EML4: variants seen among roughly 807,000 people sequenced by gnomAD.
EML4 encodes the protein echinoderm microtubule-associated protein-like 4.
Under a neutral mutation model 129.0 loss-of-function variants are expected in EML4, and 72 were observed. The ratio of observed to expected loss-of-function variants is 0.56; its 90% confidence interval spans 0.46 to 0.68. The LOEUF (loss-of-function observed/expected upper bound fraction) is 0.68. Ranked by LOEUF, EML4 falls within the 30% of genes least tolerant of loss-of-function variation. The pLI, the probability that EML4 is intolerant of heterozygous loss-of-function variation, is 0.00. For missense variants in EML4, 1,363 were observed against 1,190.6 expected (o/e 1.14, Z -2.13); for synonymous variants, 532 against 405.0 (o/e 1.31, Z -3.77).
Position 42,303,072 on chromosome 2 carries a change from T to C in EML4, c.1642-32T>C, listed in dbSNP as rs1572721439. 1.2e-6 allele frequency: 2 copies of C among 1,605,706 alleles called. 1 individual carries two copies. Among genetic ancestry groups the C allele is most frequent in the Admixed American group, 3.4e-5 (2 of 58,916 alleles). On this transcript the variant is annotated intron_variant, in intron 14 of 22. Coordinates refer to ENST00000318522, the MANE Select transcript of EML4 (RefSeq NM_019063.5). ...GAGTAGTAATTAATGCATATTAGTA[T>C]GTATATGGTGACTTTACACTTTTTT...
chr2:42,241,873 T>TG (rs1033165271), intron 1 of EML4, among the ~76,000 whole-genome samples: 12 of 131,536 alleles, frequency 9.1e-5, no homozygotes, highest in African/African-American at 3.6e-4. Context: ...TGTGTGTGTG[T>TG]CGGGGGGGGG....
chr2:42,295,827 C>T (rs1460492604), intron 13 of EML4, among the ~76,000 whole-genome samples: 2 of 152,134 alleles, frequency 1.3e-5, no homozygotes, highest in Admixed American at 1.3e-4. Context: ...TGAGCTGGTT[C>T]TGGGATATCT....
intron 1 of EML4, among the ~76,000 whole-genome samples, chr2:42,231,772 A>C (rs1197120600): frequency 1.3e-5 from 2 of 152,052 alleles, no homozygotes; most frequent in Non-Finnish European, 2.9e-5. Flanking sequence ...ATATGGTGAA[A>C]CCCTGTCTCT....
chr2:42,251,403 T>A (rs1318916236), intron 2 of EML4, among the ~76,000 whole-genome samples: 3 of 152,244 alleles, frequency 2.0e-5, no homozygotes, highest in Non-Finnish European at 4.4e-5. Context: ...AATTACTGTT[T>A]ACAGAGTGCC....
Position 42,169,602 on chromosome 2 carries a change from T to TC in EML4, c.-6dup. On this transcript the variant is annotated 5_prime_UTR_variant, in exon 1 of 23. Transcript: ENST00000318522. ...CCTCTAAGCCCGGAGCCCGGCGCTT[T>TC]CCCCGCAAGATGGACGGTTTCGCCG... 1 of 1,598,558 alleles carries TC rather than the reference T, an allele frequency of 6.3e-7. No individual in the cohort carries two copies. The highest frequency in any genetic ancestry group is 8.5e-7 in the Non-Finnish European group (1 of 1,173,804).
intron 1 of EML4, among the ~76,000 whole-genome samples, chr2:42,209,935 C>CA (rs1160128400): frequency 2.0e-5 from 3 of 148,606 alleles, no homozygotes; most frequent in East Asian, 4.0e-4. Context: ...GTCTCAAAAC[C>CA]AAAAAAACAA....
At chr2:42,296,778 C>T (rs991174985) in intron 13 of EML4, among the ~76,000 whole-genome samples, 6 of 152,084 alleles carry the variant, frequency 3.9e-5, no homozygotes, top group African/African-American at 9.7e-5. Context: ...ATTTAAATTT[C>T]GCATTACTGT....
rs2286700 is a variant in EML4 at position 42,328,882 on chromosome 2, A to G, written c.2342-4A>G. On this transcript the variant is annotated splice_region_variant and splice_polypyrimidine_tract_variant and intron_variant, in intron 21 of 22. Transcript: ENST00000318522. ...TTCTGCATCCCTGTGTTTCCATATC[A>G]AAGGTGTCTGGCCAGAAGGATCTGA... is the stretch of plus-strand genomic sequence containing the variant. 6.3e-7 allele frequency: 1 copy of G among 1,590,778 alleles called. No homozygotes were observed. The highest frequency in any genetic ancestry group is 1.3e-5 in the African/African-American group (1 of 74,300).
chr2:42,270,425 T>C (rs979912098), intron 6 of EML4, among the ~76,000 whole-genome samples: 6 of 152,148 alleles, frequency 3.9e-5, no homozygotes, highest in African/African-American at 1.4e-4. Context: ...CGAGGCGTGG[T>C]GGCACACGTG....
intron 1 of EML4, among the ~76,000 whole-genome samples, chr2:42,223,932 C>T (rs1219267655): frequency 6.6e-6 from 1 of 152,046 alleles, no homozygotes; most frequent in African/African-American, 2.4e-5. Context: ...TACGGGTTCT[C>T]CTTCCTTTAC....
intron 6 of EML4, among the ~76,000 whole-genome samples, chr2:42,278,860 C>T (rs999689164): frequency 6.6e-6 from 1 of 151,796 alleles, no homozygotes; most frequent in Non-Finnish European, 1.5e-5. Context: ...CACTTGAACC[C>T]GGGAGGTGGA....
chr2:42,169,938 CT>C, intron 1 of EML4: 1 of 347,812 alleles, frequency 2.9e-6, no homozygotes, highest in Non-Finnish European at 5.3e-6. Flanking sequence ...TGGCACACCC[CT>C]CCCCGTACAC....
chr2:42,236,270 T>C (rs1401372850), intron 1 of EML4, among the ~76,000 whole-genome samples: 1 of 152,274 alleles, frequency 6.6e-6, no homozygotes, highest in African/African-American at 2.4e-5. Context: ...AGTTTACTTT[T>C]ACTATTCTGA....
rs1399545266 is a variant in EML4, at chr2:42,315,943, G to T, written c.1968-19G>T. On this transcript the variant is annotated intron_variant, in intron 17 of 22. Transcript: ENST00000318522. ...AATGCTAATATCTGAAGAAAATTTT[G>T]ATTTTTACTTCTTAACAGGTGGTTT... 17 of 1,568,288 alleles carry T rather than the reference G, an allele frequency of 1.1e-5. No homozygotes were observed. Among genetic ancestry groups the T allele is most frequent in the Non-Finnish European group, 1.4e-5 (16 of 1,152,868 alleles).
chr2:42,317,174 C>G (rs1325794671), intron 18 of EML4, among the ~76,000 whole-genome samples: 1 of 152,178 alleles, frequency 6.6e-6, no homozygotes, highest in Non-Finnish European at 1.5e-5. Context: ...GCAGGATAAC[C>G]TCTGGAGCCG....
intron 1 of EML4, among the ~76,000 whole-genome samples, chr2:42,172,709 C>T (rs930191074): frequency 7.9e-5 from 12 of 151,846 alleles, no homozygotes; most frequent in African/African-American, 2.2e-4. Context: ...TGTGTTGCCT[C>T]TAAATCACTA....
intron 1 of EML4, among the ~76,000 whole-genome samples, chr2:42,241,309 A>G (rs1235314998): frequency 1.3e-5 from 2 of 152,232 alleles, no homozygotes; most frequent in African/African-American, 2.4e-5. Flanking sequence ...TAGAGCTGTG[A>G]GGAACTCTGG....
At chr2:42,174,922 G>A (rs1028596265) in intron 1 of EML4, among the ~76,000 whole-genome samples, 1 of 148,938 alleles carries the variant, frequency 6.7e-6, no homozygotes, top group Non-Finnish European at 1.5e-5. Context: ...GGTTTAGGCA[G>A]TTATCTGCCT....
At chr2:42,260,256 C>T (rs547604757) in intron 3 of EML4, among the ~76,000 whole-genome samples, 1 of 152,142 alleles carries the variant, frequency 6.6e-6, no homozygotes, top group South Asian at 2.1e-4. Flanking sequence ...CAAACTCCGC[C>T]TCCCTGGCTC....
Sources: gnomAD v4.1 joint callset for allele counts (sites outside exome capture counted in the v4.1 genomes callset) on GRCh38, gnomAD v4.1.1 for gene constraint, MANE v1.5 for transcripts, NCBI Gene and HGNC (gene_info 2026-07-23, HGNC 2026-07-21) for gene names.